CHRM2: variants seen among roughly 807,000 people sequenced by gnomAD.
CHRM2 encodes the protein cholinergic receptor muscarinic 2.
A neutral mutation model predicts 25.0 loss-of-function variants in CHRM2; 8 were observed. The observed-to-expected ratio is 0.32, with a 90% CI of 0.19 to 0.58. The LOEUF (loss-of-function observed/expected upper bound fraction) is 0.58, where lower values mean the gene tolerates loss of function less well. Among genes scored for constraint, CHRM2 ranks in the 20% least tolerant of loss-of-function variants. CHRM2 has a pLI of 0.88. For synonymous variants in CHRM2, 202 were observed against 205.7 expected, an observed-to-expected ratio of 0.98 and a Z score of 0.15; for missense variants, 440 against 567.1, an observed-to-expected ratio of 0.78 and a Z score of 2.28.
chr7:136,930,901 A>C (rs1799054699), intron 2 of CHRM2, among the ~76,000 whole-genome samples: 3 of 88,704 alleles, frequency 3.4e-5, no homozygotes, highest in East Asian at 4.1e-4. Flanking sequence ...ATTCTCTCAA[A>C]AAAAAAAAAA....
chr7:136,981,736 G>C (rs1441741801), intron 2 of CHRM2, among the ~76,000 whole-genome samples: 1 of 152,132 alleles, frequency 6.6e-6, no homozygotes, highest in Non-Finnish European at 1.5e-5. Context: ...AGGTTGTTCA[G>C]TTTCCATGTA....
chr7:136,907,635 G>A (rs903882235), intron 2 of CHRM2, among the ~76,000 whole-genome samples: 2 of 151,890 alleles, frequency 1.3e-5, no homozygotes, highest in Non-Finnish European at 2.9e-5. Context: ...GGCAGCTTAT[G>A]TAATATGCTT....
chr7:136,988,324 A>G (rs1021046837), intron 2 of CHRM2, among the ~76,000 whole-genome samples: 2 of 152,016 alleles, frequency 1.3e-5, no homozygotes, highest in Non-Finnish European at 2.9e-5. Context: ...GAGGGAAGGG[A>G]AAAAGCTGCA....
At chr7:136,985,497 T>C (rs1584879233) in intron 2 of CHRM2, among the ~76,000 whole-genome samples, 1 of 102,154 alleles carries the variant, frequency 9.8e-6, no homozygotes, top group African/African-American at 4.2e-5. Context: ...GTAACAGAGT[T>C]AGACTCCAAA....
chr7:136,984,076 T>A (rs996013168), intron 2 of CHRM2, among the ~76,000 whole-genome samples: 1 of 152,110 alleles, frequency 6.6e-6, no homozygotes, highest in Non-Finnish European at 1.5e-5. Flanking sequence ...CCCAGGGATA[T>A]GGGAATTTTA....
chr7:136,950,973 A>G (rs998426699), intron 2 of CHRM2: 3 of 151,870 alleles, frequency 2.0e-5, no homozygotes, highest in African/African-American at 7.3e-5. Flanking sequence ...TGTCCGGCTA[A>G]TTTTTTTTAT....
chr7:136,958,643 G>A (rs1800873752), intron 2 of CHRM2, among the ~76,000 whole-genome samples: 1 of 151,808 alleles, frequency 6.6e-6, no homozygotes, highest in African/African-American at 2.4e-5. Flanking sequence ...TTTCTATAGA[G>A]ATGGAGTTTC....
intron 2 of CHRM2, among the ~76,000 whole-genome samples, chr7:136,961,544 A>G (rs1364605054): frequency 1.3e-5 from 2 of 152,362 alleles, no homozygotes; most frequent in Admixed American, 6.5e-5. Context: ...GTTTCTGTTC[A>G]ATTAATAAAT....
rs536831518 is a variant in CHRM2 at position 137,017,490 on chromosome 7, T to C, written c.*1224T>C. ...ATAGAACCTTCTATCCAATGCCTGC[T>C]AAAGGATGATATTCAAATTATAACC... On this transcript the variant is annotated 3_prime_UTR_variant, in exon 4 of 4. Coordinates refer to ENST00000680005, the MANE Select transcript of CHRM2 (RefSeq NM_001006630.2). 6.6e-6 allele frequency: 1 copy of C among 152,114 alleles called. No individual in the cohort carries two copies. The highest frequency in any genetic ancestry group is 2.1e-4 in the South Asian group (1 of 4,826). 9.4% of individuals were successfully genotyped at this position (152,114 alleles called of 1,614,324 possible). A position where few individuals can be genotyped will look rare whatever the true frequency, so the allele number is the denominator to read the frequency against.
At chr7:136,946,378 G>T (rs1051733122) in intron 2 of CHRM2, among the ~76,000 whole-genome samples, 1 of 152,178 alleles carries the variant, frequency 6.6e-6, no homozygotes, top group African/African-American at 2.4e-5. Context: ...AGTAGTAGGA[G>T]ATACAATGAT....
At chr7:136,949,326 TA>T (rs1454972825) in intron 2 of CHRM2, among the ~76,000 whole-genome samples, 3 of 151,956 alleles carry the variant, frequency 2.0e-5, no homozygotes, top group African/African-American at 7.2e-5. Context: ...GTGCTTAATA[TA>T]AAACTCCAGC....
chr7:136,918,051 G>A (rs1236835410), intron 2 of CHRM2, among the ~76,000 whole-genome samples: 2 of 152,038 alleles, frequency 1.3e-5, no homozygotes, highest in Non-Finnish European at 2.9e-5. Flanking sequence ...AGAGAGAAAG[G>A]TTTTAAGGAA....
intron 2 of CHRM2, among the ~76,000 whole-genome samples, chr7:136,933,625 C>G (rs1799239548): frequency 1.3e-5 from 2 of 152,080 alleles, no homozygotes; most frequent in South Asian, 4.1e-4. Context: ...CATGAATGTT[C>G]ACAGCAGTAC....
At chr7:137,012,099 CAG>C (rs1804863519) in intron 3 of CHRM2, among the ~76,000 whole-genome samples, 1 of 151,956 alleles carries the variant, frequency 6.6e-6, no homozygotes, top group Non-Finnish European at 1.5e-5. Context: ...AATTAAAATG[CAG>C]AGTCAATACA....
In CHRM2 at chr7:137,017,374, C is replaced by T. The variant is rs565674951; in HGVS notation, c.*1108C>T. The T allele has an allele frequency of 1.3e-4, 19 of 151,930 alleles. No homozygotes were observed. The East Asian group carries it at 3.7e-3, about 30-fold the overall frequency. 9.4% of individuals were successfully genotyped at this position (151,930 alleles called of 1,614,324 possible). On this transcript the variant is annotated 3_prime_UTR_variant, in exon 4 of 4. Coordinates refer to ENST00000680005, the MANE Select transcript of CHRM2 (RefSeq NM_001006630.2). ...GAAAATGAACTCCTGACTTTCTCAG[C>T]AGAAAGGAATGCTGTTTTATTTATT...
chr7:136,874,136 T>C (rs1795954859), intron 2 of CHRM2, among the ~76,000 whole-genome samples: 1 of 152,228 alleles, frequency 6.6e-6, no homozygotes, highest in Non-Finnish European at 1.5e-5. Flanking sequence ...TCTCCATTTT[T>C]TCATGCTAAA....
chr7:136,995,573 G>A (rs1803540815), intron 3 of CHRM2, among the ~76,000 whole-genome samples: 1 of 152,068 alleles, frequency 6.6e-6, no homozygotes, highest in Non-Finnish European at 1.5e-5. Context: ...GACCAGCCTG[G>A]ACAATATAGG....
intron 2 of CHRM2, among the ~76,000 whole-genome samples, chr7:136,925,748 T>C (rs887304282): frequency 2.0e-5 from 3 of 152,200 alleles, no homozygotes; most frequent in Admixed American, 1.3e-4. Context: ...CAAGTCTCCT[T>C]ATCTTTGTCT....
chr7:136,985,412 C>T (rs961421443), intron 2 of CHRM2, among the ~76,000 whole-genome samples: 14 of 136,718 alleles, frequency 1.0e-4, no homozygotes, highest in East Asian at 2.4e-4. Flanking sequence ...CAGGAGGCTG[C>T]GGTAGGAGAA....
Sources: gnomAD v4.1 joint callset for allele counts (sites outside exome capture counted in the v4.1 genomes callset) on GRCh38, gnomAD v4.1.1 for gene constraint, MANE v1.5 for transcripts, NCBI Gene and HGNC (gene_info 2026-07-23, HGNC 2026-07-21) for gene names.